The following PPP2R2A variants were observed in gnomAD, a reference collection of about 807,000 sequenced individuals.
PPP2R2A encodes protein phosphatase 2 regulatory subunit Balpha, also known as serine/threonine-protein phosphatase 2A 55 kDa regulatory subunit B alpha isoform.
In PPP2R2A, 9 loss-of-function variants were observed where a neutral mutation model predicts 53.2. The observed-to-expected ratio is 0.17, with a 90% CI of 0.10 to 0.30. The LOEUF (loss-of-function observed/expected upper bound fraction) is 0.30. PPP2R2A is among the 10% of genes least tolerant of loss of function. PPP2R2A has a pLI of 1.00. For missense variants in PPP2R2A, 235 were observed against 534.6 expected (o/e 0.44, Z 5.53); for synonymous variants, 169 against 174.2 (o/e 0.97, Z 0.23).
intron 2 of PPP2R2A, among the ~76,000 whole-genome samples, chr8:26,297,020 T>A (rs1183940796): frequency 6.6e-6 from 1 of 152,102 alleles, no homozygotes; most frequent in Non-Finnish European, 1.5e-5. Flanking sequence ...TGTTTAGCAA[T>A]GGAATAACAA....
At chr8:26,300,806 G>T (rs745659501) in intron 2 of PPP2R2A, among the ~76,000 whole-genome samples, 1 of 152,116 alleles carries the variant, frequency 6.6e-6, no homozygotes, top group Non-Finnish European at 1.5e-5. Context: ...AGCCGAGATC[G>T]TGCCACTGCA....
intron 3 of PPP2R2A, chr8:26,339,899 A>G (rs368282513): frequency 6.6e-6 from 1 of 152,102 alleles, no homozygotes; most frequent in African/African-American, 2.4e-5. Context: ...TTGCACTTCT[A>G]TAGCGCCTTT....
rs193216961 is a variant in PPP2R2A at position 26,329,834 on chromosome 8, T to C, written c.83-9056T>C. On this transcript the variant is annotated intron_variant, in intron 2 of 9. Transcript: ENST00000380737. ...TGTTATACTTTGAAATGTTGGGATT[T>C]TTTTTACAAAGAATTCTTCACAGTT... Among the ~76,000 whole-genome samples, 489 of 152,322 alleles carry C rather than the reference T, an allele frequency of 3.2e-3. 6 individuals carry two copies. The highest frequency in any genetic ancestry group is 4.8e-3 in the Non-Finnish European group (325 of 68,036).
chr8:26,293,550 T>C (rs185168838), intron 1 of PPP2R2A, 116 bp from the exon 2 acceptor site: 6 of 953,864 alleles, frequency 6.3e-6, no homozygotes, highest in Non-Finnish European at 9.3e-6. Context: ...GTGGTAGTTG[T>C]ATGTGTGGGC....
intron 2 of PPP2R2A, among the ~76,000 whole-genome samples, chr8:26,305,645 G>A (rs1585329357): frequency 6.6e-6 from 1 of 152,108 alleles, no homozygotes; most frequent in East Asian, 1.9e-4. Context: ...TAGGTACATG[G>A]AGGTCCATTT....
chr8:26,292,660 A>G (rs1021967480), intron 1 of PPP2R2A, among the ~76,000 whole-genome samples: 9 of 152,184 alleles, frequency 5.9e-5, no homozygotes, highest in African/African-American at 2.2e-4. Flanking sequence ...TTAGCAAGGA[A>G]TAGGGGTGAT....
chr8:26,293,812 T>C, intron 2 of PPP2R2A, 72 bp downstream of exon 2: 1 of 1,363,412 alleles, frequency 7.3e-7, no homozygotes. Context: ...AGGATTTCCT[T>C]GAAGCCGAGA....
rs370119897 is a variant in PPP2R2A at position 26,370,562 on chromosome 8, A to C, written c.*149A>C. The C allele has an allele frequency of 2.3e-6, 2 of 873,856 alleles. No homozygotes were observed. Among genetic ancestry groups the C allele is most frequent in the Admixed American group, 2.7e-5 (1 of 37,172 alleles). The allele number at this position is 873,856 out of a possible 1,614,324, so 54.1% of individuals were successfully genotyped here. A position where few individuals can be genotyped will look rare whatever the true frequency, so the allele number is the denominator to read the frequency against. ...TTCGACAACACATTGTTATAGCTAC[A>C]TGGAGAAAGCTCTGTGGATTCATCA... On this transcript the variant is annotated 3_prime_UTR_variant, in exon 10 of 10. Coordinates refer to ENST00000380737, the MANE Select transcript of PPP2R2A (RefSeq NM_002717.4). This position sits in a 1 kb window ranked among gnomAD's most constrained non-coding sequence, Gnocchi z 6.1.
intron 3 of PPP2R2A, among the ~76,000 whole-genome samples, chr8:26,346,125 T>C (rs1484356724): frequency 6.7e-6 from 1 of 149,734 alleles, no homozygotes; most frequent in Non-Finnish European, 1.5e-5. Context: ...GGGTTATTAT[T>C]ATTATTATTA....
chr8:26,324,439 G>A (rs974545626), intron 2 of PPP2R2A, among the ~76,000 whole-genome samples: 7 of 152,210 alleles, frequency 4.6e-5, no homozygotes, highest in Admixed American at 4.6e-4. Context: ...CTTCCACGTG[G>A]TGTTGAGCCT....
At chr8:26,330,984 TGCTGGTGGGGATTTCTCTTCTCTG>T (rs1435640576) in intron 2 of PPP2R2A, among the ~76,000 whole-genome samples, 24 of 152,332 alleles carry the variant, frequency 1.6e-4, no homozygotes, top group Non-Finnish European at 2.8e-4. Flanking sequence ...GAACTCTACC[TGCTGGTGGGGATTTCTCTTCTCTG>T]GCTGGTGGGG....
rs111647320 is a variant in PPP2R2A, at chr8:26,352,455, A to G, written c.181-2013A>G. The stretch of plus-strand genomic sequence containing the variant: ...CTTCAGTTTTGTTACTGCTGCTGTC[A>G]TTTCTGCCATTACTCTTTGTCCTGT... On this transcript the variant is annotated intron_variant, in intron 3 of 9. Coordinates refer to ENST00000380737, the MANE Select transcript of PPP2R2A (RefSeq NM_002717.4). Among the ~76,000 whole-genome samples the G allele has an allele frequency of 6.6e-3, 1,000 of 152,234 alleles. 5 individuals are homozygous for G. The highest frequency in any genetic ancestry group is 0.011 in the Non-Finnish European group (742 of 67,996).
chr8:26,327,094 AGATC>A (rs879681759), intron 2 of PPP2R2A, among the ~76,000 whole-genome samples: 7 of 152,222 alleles, frequency 4.6e-5, no homozygotes, highest in Admixed American at 4.6e-4. Context: ...AGGTGTGCCA[AGATC>A]CTTCAGCCCT....
chr8:26,363,621 C>T, intron 7 of PPP2R2A, 100 bp from the exon 8 acceptor site: 1 of 1,052,058 alleles, frequency 9.5e-7, no homozygotes, highest in South Asian at 2.6e-5. Context: ...CATTTTACCT[C>T]ACTTGTAGGG....
At chr8:26,366,468 C>T in intron 9 of PPP2R2A, 62 bp downstream of exon 9, 2 of 1,297,324 alleles carry the variant, frequency 1.5e-6, no homozygotes, top group Non-Finnish European at 2.1e-6. Context: ...CTATTTCATT[C>T]CAGGTCCTAA....
chr8:26,319,129 G>A (rs1239798636), intron 2 of PPP2R2A, among the ~76,000 whole-genome samples: 3 of 152,124 alleles, frequency 2.0e-5, no homozygotes, highest in Non-Finnish European at 2.9e-5. Context: ...TTTTGTGACT[G>A]TTATAGCGTA....
Position 26,362,944 on chromosome 8 carries a change from C to A in PPP2R2A, c.802+96C>A. On this transcript the variant is annotated intron_variant, in intron 7 of 9. Coordinates refer to ENST00000380737, the MANE Select transcript of PPP2R2A (RefSeq NM_002717.4). This position sits in a 1 kb window ranked among gnomAD's most constrained non-coding sequence, Gnocchi z 4.4. ...AAGTACAATTACAGAGGTTCAAAGT[C>A]TTAAACCCGTGTGTCCAGAGCCACT... 8.1e-7 allele frequency: 1 copy of A among 1,236,938 alleles called. No homozygotes were observed. Among genetic ancestry groups the A allele is most frequent in the Non-Finnish European group, 1.1e-6 (1 of 883,190 alleles). 76.6% of individuals were successfully genotyped at this position (1,236,938 alleles called of 1,614,324 possible).
intron 2 of PPP2R2A, among the ~76,000 whole-genome samples, chr8:26,294,880 A>G (rs545131334): frequency 6.6e-6 from 1 of 152,160 alleles, no homozygotes; most frequent in Non-Finnish European, 1.5e-5. Flanking sequence ...TTCCTTTTCT[A>G]TTGGATCCTC....
At chr8:26,339,221 TGATTAGAGAA>T (rs1448562213) in intron 3 of PPP2R2A, among the ~76,000 whole-genome samples, 1 of 152,188 alleles carries the variant, frequency 6.6e-6, no homozygotes, top group East Asian at 1.9e-4. Context: ...TAAAAATACT[TGATTAGAGAA>T]GGGGGTGGAA....
Sources: gnomAD v4.1 joint callset for allele counts (sites outside exome capture counted in the v4.1 genomes callset) on GRCh38, gnomAD v4.1.1 for gene constraint, Gnocchi (gnomAD v3.1) non-coding constraint, MANE v1.5 for transcripts, NCBI Gene and HGNC (gene_info 2026-07-23, HGNC 2026-07-21) for gene names.